Variants in NLK observed in about 807,000 individuals in gnomAD.
NLK encodes serine/threonine-protein kinase NLK.
Under a neutral mutation model 59.0 loss-of-function variants are expected in NLK, and 11 were observed. That is an observed-to-expected ratio of 0.19 (90% CI 0.12 to 0.31). The LOEUF (loss-of-function observed/expected upper bound fraction) is 0.31. Ranked by LOEUF, NLK falls within the 10% of genes least tolerant of loss-of-function variation. The pLI is 1.00. For synonymous variants in NLK, 235 were observed against 235.9 expected (o/e 1.00, Z 0.03); for missense variants, 410 against 661.1 (o/e 0.62, Z 4.16).
intron 1 of NLK, among the ~76,000 whole-genome samples, chr17:28,066,113 A>T (rs1391777906): frequency 6.6e-6 from 1 of 152,088 alleles, no homozygotes; most frequent in Non-Finnish European, 1.5e-5. Context: ...GCTTTACTCC[A>T]CTATTATCTT....
At chr17:28,140,589 T>A (rs753507615) in intron 3 of NLK, among the ~76,000 whole-genome samples, 29 of 152,184 alleles carry the variant, frequency 1.9e-4, no homozygotes, top group Non-Finnish European at 7.3e-5. Flanking sequence ...TTTCTAACTT[T>A]ACCCTCAGCA....
chr17:28,203,156 T>TACACACACACACACACACACACAC, the NLK span, among the ~76,000 whole-genome samples: 1 of 129,352 alleles, frequency 7.7e-6, no homozygotes, highest in African/African-American at 3.6e-5. Flanking sequence ...TGAATGTATA[T>TACACACACACACACACACACACAC]ACATACATAC....
At chr17:28,139,552 C>T (rs144872785) in intron 3 of NLK, among the ~76,000 whole-genome samples, 80 of 152,276 alleles carry the variant, frequency 5.3e-4, no homozygotes, top group African/African-American at 1.7e-3. Context: ...ATTCATTCAG[C>T]CAAACCTTTA....
rs564156896 is a variant in NLK, at chr17:28,169,495, A to G, written c.1047+838A>G. On this transcript the variant is annotated intron_variant, in intron 6 of 10. Transcript: ENST00000407008. ...TTCCTCAGAGAATCCTTTAGAAGCCATTCATGTTACTTGAATTGTCTTTAA... is the reference window on the plus strand; with the variant it reads ...TTCCTCAGAGAATCCTTTAGAAGCCGTTCATGTTACTTGAATTGTCTTTAA... Among the ~76,000 whole-genome samples, 4 of 152,312 alleles carry G rather than the reference A, an allele frequency of 2.6e-5. No individual in the cohort carries two copies. In the South Asian group the frequency reaches 6.2e-4, roughly 24 times the overall value.
chr17:28,145,816 C>T (rs1247856550), intron 3 of NLK, among the ~76,000 whole-genome samples: 1 of 152,094 alleles, frequency 6.6e-6, no homozygotes, highest in Non-Finnish European at 1.5e-5. Context: ...AGGGATTCTC[C>T]TGCCTCAGCC....
chr17:28,097,872 G>A (rs1366676670), intron 1 of NLK, among the ~76,000 whole-genome samples: 4 of 152,094 alleles, frequency 2.6e-5, no homozygotes, highest in Non-Finnish European at 5.9e-5. Context: ...ACGTTACAGT[G>A]TGGGTTTAAA....
Position 28,168,514 on chromosome 17 carries a change from G to C in NLK, c.904G>C (p.Val302Leu). Residue 302 changes from valine to leucine, a missense_variant, in exon 6 of 11, where the codon GTT becomes CTT. Val to Leu is a conservative substitution (Grantham distance 32). Around this residue, in one of 5 missense-constraint regions of NLK, gnomAD observed 150 missense variants for 244.3 expected, o/e 0.61. Transcript: ENST00000407008. ...DESRHMTQEV[V>L]TQYYRAPEIL... ...ATCCCGTCATATGACTCAGGAAGTTGTTACTCAGTATTATCGGGCTCCAGA... is the reference window on the plus strand; with the variant it reads ...ATCCCGTCATATGACTCAGGAAGTTCTTACTCAGTATTATCGGGCTCCAGA... 1 of 1,613,816 alleles carries C rather than the reference G, an allele frequency of 6.2e-7. No homozygotes were observed. Among genetic ancestry groups the C allele is most frequent in the Non-Finnish European group, 8.5e-7 (1 of 1,179,744 alleles).
chr17:28,163,552 A>G lies in NLK; in HGVS notation c.761A>G (p.Tyr254Cys). The part of the protein sequence containing the change: ...FLYQILRGLK[Y>C]LHSAGILHRD... The stretch of plus-strand genomic sequence containing the variant: ...CTGTTTGTTATTTCAGGTTTGAAAT[A>G]TCTCCATTCAGCTGGCATTTTACAT... The change falls in exon 5 of 11, where the codon TAT becomes TGT. Residue 254 changes from tyrosine (Y) to cysteine (C), a missense_variant. Transcript: ENST00000407008. The G allele has an allele frequency of 6.3e-7, 1 of 1,591,764 alleles. No individual in the cohort carries two copies. Among genetic ancestry groups the G allele is most frequent in the Non-Finnish European group, 8.6e-7 (1 of 1,162,362 alleles).
intron 1 of NLK, among the ~76,000 whole-genome samples, chr17:28,054,358 T>G (rs73986100): frequency 0.011 from 1,668 of 152,338 alleles, 29 homozygotes; most frequent in African/African-American, 0.038. Flanking sequence ...AGGCATTCTT[T>G]TAAAAACACA....
At chr17:28,083,396 T>C (rs1347668665) in intron 1 of NLK, among the ~76,000 whole-genome samples, 1 of 152,208 alleles carries the variant, frequency 6.6e-6, no homozygotes, top group Non-Finnish European at 1.5e-5. Flanking sequence ...ATTTACATTA[T>C]ACTGATAAGA....
At chr17:28,174,770 CAG>C (rs1393044737) in intron 7 of NLK, among the ~76,000 whole-genome samples, 3 of 152,172 alleles carry the variant, frequency 2.0e-5, no homozygotes, top group Non-Finnish European at 2.9e-5. Context: ...GAGATGTCAA[CAG>C]GTTCTTGAAG....
chr17:28,147,247 C>T (rs1907294244), intron 3 of NLK, among the ~76,000 whole-genome samples: 1 of 152,110 alleles, frequency 6.6e-6, no homozygotes, highest in South Asian at 2.1e-4. Context: ...GTCCTGAAGG[C>T]TCTGAGACTC....
At chr17:28,072,562 A>T in intron 1 of NLK, among the ~76,000 whole-genome samples, 1 of 151,908 alleles carries the variant, frequency 6.6e-6, no homozygotes, top group East Asian at 1.9e-4. Flanking sequence ...TGCCGAGATG[A>T]GTGCGCTGAT....
At chr17:28,080,641 G>A (rs1009515989) in intron 1 of NLK, among the ~76,000 whole-genome samples, 2 of 152,188 alleles carry the variant, frequency 1.3e-5, no homozygotes, top group Non-Finnish European at 2.9e-5. Context: ...CCAATATCGC[G>A]TGTAGCATTT....
At chr17:28,154,685 C>T (rs1281811872) in intron 3 of NLK, among the ~76,000 whole-genome samples, 1 of 151,882 alleles carries the variant, frequency 6.6e-6, no homozygotes, top group Non-Finnish European at 1.5e-5. Flanking sequence ...ATGTAATATC[C>T]TCACATACAC....
chr17:28,163,475 T>A (rs1908097616), intron 4 of NLK, 68 bp from the exon 5 acceptor site: 1 of 915,230 alleles, frequency 1.1e-6, no homozygotes, highest in Non-Finnish European at 1.7e-6. Flanking sequence ...TCTTCCAAGG[T>A]TTTTTTTAAA....
At chr17:28,053,161 C>T (rs1909319209) in intron 1 of NLK, among the ~76,000 whole-genome samples, 1 of 152,088 alleles carries the variant, frequency 6.6e-6, no homozygotes, top group African/African-American at 2.4e-5. Context: ...GCAATCAGAT[C>T]CACTTCTGGA....
chr17:28,046,353 A>G (rs925579631), intron 1 of NLK, among the ~76,000 whole-genome samples: 1 of 152,232 alleles, frequency 6.6e-6, no homozygotes, highest in Non-Finnish European at 1.5e-5. Flanking sequence ...GGTTTCATTA[A>G]CAACTGTCTG....
intron 7 of NLK, among the ~76,000 whole-genome samples, chr17:28,180,918 A>G (rs1227618779): frequency 1.3e-5 from 2 of 152,222 alleles, no homozygotes; most frequent in African/African-American, 2.4e-5. Flanking sequence ...TTTGACTAAT[A>G]CAGATAATTT....
Sources: gnomAD v4.1 joint callset for allele counts (sites outside exome capture counted in the v4.1 genomes callset) on GRCh38, gnomAD v4.1.1 for gene constraint, gnomAD v4.1.1 regional missense constraint, MANE v1.5 for transcripts, NCBI Gene and HGNC (gene_info 2026-07-23, HGNC 2026-07-21) for gene names.